Variants in RIN2 observed in about 807,000 individuals in gnomAD.
RIN2 encodes Ras and Rab interactor 2.
A neutral mutation model predicts 78.0 loss-of-function variants in RIN2; 36 were observed. The ratio of observed to expected loss-of-function variants is 0.46; its 90% CI spans 0.35 to 0.61. RIN2 has a LOEUF of 0.61. RIN2 is among the 20% of genes least tolerant of loss of function. The pLI, the probability that RIN2 is intolerant of heterozygous loss-of-function variation, is 0.00. For synonymous variants in RIN2, 466 were observed against 466.8 expected (o/e 1.00, Z 0.02); for missense variants, 1,087 against 1,159.7 (o/e 0.94, Z 0.91).
At chr20:19,814,545 T>G (rs2035706636) in intron 2 of RIN2, among the ~76,000 whole-genome samples, 1 of 152,230 alleles carries the variant, frequency 6.6e-6, no homozygotes, top group South Asian at 2.1e-4. Flanking sequence ...GATGTCCACC[T>G]AAATCCTCCA....
intron 4 of RIN2, among the ~76,000 whole-genome samples, chr20:19,954,140 G>T (rs2146223125): frequency 6.6e-6 from 1 of 152,328 alleles, no homozygotes; most frequent in African/African-American, 2.4e-5. Context: ...AAAATGATCG[G>T]CATAGGTTGG....
chr20:19,760,483 G>A (rs903479403), intron 1 of RIN2, among the ~76,000 whole-genome samples: 1 of 152,058 alleles, frequency 6.6e-6, no homozygotes, highest in African/African-American at 2.4e-5. Context: ...AGATAACTTC[G>A]CAGCAGCACT....
intron 3 of RIN2, among the ~76,000 whole-genome samples, chr20:19,923,486 AAT>A (rs112265385): frequency 6.3e-4 from 93 of 147,680 alleles, no homozygotes; most frequent in Middle Eastern, 7.1e-3. Context: ...AATAAAATAA[AAT>A]AAATATTGGC....
At chr20:19,774,185 G>A (rs527858722) in intron 1 of RIN2, among the ~76,000 whole-genome samples, 17 of 152,080 alleles carry the variant, frequency 1.1e-4, no homozygotes, top group Non-Finnish European at 1.9e-4. Context: ...CTTACATAAT[G>A]CATCTAAAAT....
At chr20:19,897,792 G>T (rs1169529969) in intron 3 of RIN2, among the ~76,000 whole-genome samples, 1 of 151,708 alleles carries the variant, frequency 6.6e-6, no homozygotes, top group East Asian at 1.9e-4. Context: ...GCTTACTGCA[G>T]CCTGGAACTC....
At chr20:19,946,712 T>A (rs1306053227) in intron 4 of RIN2, among the ~76,000 whole-genome samples, 5 of 47,576 alleles carry the variant, frequency 1.1e-4, no homozygotes, top group Admixed American at 2.6e-4. Context: ...AGATTCTATC[T>A]CAAAAAAAAA....
At chr20:19,830,926 C>G (rs147769871) in intron 2 of RIN2, among the ~76,000 whole-genome samples, 1,568 of 152,342 alleles carry the variant, frequency 0.01, 27 homozygotes, top group African/African-American at 0.036. Context: ...ATAAGGTTGA[C>G]TCATCCTGAA....
At chr20:19,886,806 C>G in intron 2 of RIN2, 1 of 1,379,938 alleles carries the variant, frequency 7.2e-7, no homozygotes, top group Non-Finnish European at 1.0e-6. Flanking sequence ...CTTAGTCTAG[C>G]CTGTTACTGG....
At chr20:19,838,869 C>G (rs1275060818) in intron 2 of RIN2, among the ~76,000 whole-genome samples, 2 of 152,102 alleles carry the variant, frequency 1.3e-5, no homozygotes, top group African/African-American at 4.8e-5. Flanking sequence ...ACACTGGGGT[C>G]CCCGAGACTT....
intron 3 of RIN2, among the ~76,000 whole-genome samples, chr20:19,892,535 A>T (rs1399181733): frequency 6.6e-6 from 1 of 151,876 alleles, no homozygotes; most frequent in Non-Finnish European, 1.5e-5. Flanking sequence ...TTTAAGTCAG[A>T]TGCTCCATGT....
intron 2 of RIN2, among the ~76,000 whole-genome samples, chr20:19,833,514 TGTTCAGCTTTTCTGA>T (rs1193318135): frequency 6.6e-6 from 1 of 152,196 alleles, no homozygotes; most frequent in Non-Finnish European, 1.5e-5. Context: ...TGTCCCTTGG[TGTTCAGCTTTTCTGA>T]GTTACTGTTT....
chr20:19,772,500 C>T (rs2034167062), intron 1 of RIN2, among the ~76,000 whole-genome samples: 1 of 152,160 alleles, frequency 6.6e-6, no homozygotes, highest in Admixed American at 6.5e-5. Flanking sequence ...ATGCAGGGCC[C>T]TGTGTGACTG....
chr20:19,880,306 G>A (rs555323801), intron 2 of RIN2, among the ~76,000 whole-genome samples: 116 of 149,696 alleles, frequency 7.7e-4, no homozygotes, highest in Non-Finnish European at 1.5e-3. Context: ...AGCATGGTAT[G>A]TGTGTTGCTG....
At chr20:19,774,059 CT>C (rs2034226945) in intron 1 of RIN2, among the ~76,000 whole-genome samples, 1 of 152,074 alleles carries the variant, frequency 6.6e-6, no homozygotes. Flanking sequence ...CATGGAGCAA[CT>C]GTGTTTATGG....
At chr20:19,909,508 T>C (rs1185971851) in intron 3 of RIN2, among the ~76,000 whole-genome samples, 3 of 152,228 alleles carry the variant, frequency 2.0e-5, no homozygotes, top group Admixed American at 2.0e-4. Flanking sequence ...GAGATGAGCA[T>C]TTGTGTGCTT....
chr20:19,840,102 C>T (rs777129247), intron 2 of RIN2, among the ~76,000 whole-genome samples: 1 of 152,206 alleles, frequency 6.6e-6, no homozygotes, highest in Admixed American at 6.5e-5. Flanking sequence ...GTATTCCCTA[C>T]AATGAGTAGT....
At chr20:19,815,842 C>T (rs760881835) in intron 2 of RIN2, among the ~76,000 whole-genome samples, 19 of 152,274 alleles carry the variant, frequency 1.2e-4, no homozygotes, top group Admixed American at 4.6e-4. Context: ...CTTTGGGCAA[C>T]GATGAAAGTT....
At chr20:19,811,964 G>A (rs1299618994) in intron 2 of RIN2, among the ~76,000 whole-genome samples, 1 of 152,044 alleles carries the variant, frequency 6.6e-6, no homozygotes, top group Non-Finnish European at 1.5e-5. Context: ...TTACATAAGT[G>A]GAACTATACC....
At chr20:19,867,995 A>G (rs898279664) in intron 2 of RIN2, among the ~76,000 whole-genome samples, 17 of 152,224 alleles carry the variant, frequency 1.1e-4, no homozygotes, top group Non-Finnish European at 2.4e-4. Flanking sequence ...TGCAAAAGCC[A>G]TCAGTGTCGT....
Sources: allele counts gnomAD v4.1 joint callset (sites outside exome capture counted in the v4.1 genomes callset), GRCh38; gene constraint gnomAD v4.1.1; transcripts MANE v1.5; gene names NCBI Gene and HGNC (gene_info 2026-07-23, HGNC 2026-07-21).